Variants in TASP1 observed in about 807,000 individuals in gnomAD.
TASP1 encodes the protein taspase 1.
TASP1 carries 16 observed loss-of-function variants against 56.6 expected under a neutral mutation model. The observed-to-expected ratio is 0.28, with a 90% CI of 0.19 to 0.43. The LOEUF (loss-of-function observed/expected upper bound fraction) is 0.43. Among genes scored for constraint, TASP1 ranks in the 20% least tolerant of loss-of-function variants. The probability of loss-of-function intolerance (pLI) is 1.00; values close to 1 mark genes in which losing one functional copy is unlikely to be tolerated. For missense variants in TASP1, 393 were observed against 511.6 expected (o/e 0.77, Z 2.24); for synonymous variants, 179 against 184.2 (o/e 0.97, Z 0.23).
rs1218351171 is a variant in TASP1 at position 13,576,242 on chromosome 20, GGGAAGGGAAGATAAGAGAAGAGAAA to G, written c.488+4630_488+4654del. Among the ~76,000 whole-genome samples, 862 of 148,202 alleles carry G rather than the reference GGGAAGGGAAGATAAGAGAAGAGAAA, an allele frequency of 5.8e-3. 13 individuals carry two copies. The highest frequency in any genetic ancestry group is 0.01 in the Middle Eastern group (3 of 290). ...GGGGAGGGGAGGGGAGGGGAGCGGA[GGGAAGGGAAGATAAGAGAAGAGAAA>G]GGAAGGGAAGAGAAGAGAAAGGAAG... On this transcript the variant is annotated intron_variant, in intron 6 of 13. Coordinates refer to ENST00000337743, the MANE Select transcript of TASP1 (RefSeq NM_017714.3).
At chr20:13,320,786 C>CA in the TASP1 span, among the ~76,000 whole-genome samples, 4 of 151,790 alleles carry the variant, frequency 2.6e-5, no homozygotes, top group African/African-American at 9.7e-5. Context: ...TTTCAGCTAG[C>CA]AAAAAAAGAG....
the TASP1 span, among the ~76,000 whole-genome samples, chr20:13,365,242 T>C: frequency 6.6e-6 from 1 of 152,258 alleles, no homozygotes; most frequent in Non-Finnish European, 1.5e-5. Flanking sequence ...TTTATTCATT[T>C]GATAAATATT....
chr20:13,541,958 T>C (rs2146951048), intron 8 of TASP1, among the ~76,000 whole-genome samples: 1 of 151,730 alleles, frequency 6.6e-6, no homozygotes, highest in South Asian at 2.1e-4. Flanking sequence ...GGCAGGAGAA[T>C]TGCTTGAACC....
At chr20:13,396,048 A>G (rs1458140678) in intron 13 of TASP1, among the ~76,000 whole-genome samples, 2 of 152,124 alleles carry the variant, frequency 1.3e-5, no homozygotes, top group Non-Finnish European at 2.9e-5. Flanking sequence ...TTAAATGACT[A>G]AGTCCAGAGA....
At chr20:13,300,393 T>C in the TASP1 span, 1 of 150,834 alleles carries the variant, frequency 6.6e-6, no homozygotes, top group African/African-American at 2.4e-5. Context: ...TACCAATATA[T>C]CCCCAATAAA....
At chr20:13,333,781 C>G in the TASP1 span, among the ~76,000 whole-genome samples, 4 of 152,258 alleles carry the variant, frequency 2.6e-5, no homozygotes, top group Non-Finnish European at 4.4e-5. Context: ...ATTTTTGAAT[C>G]TTTTAAAATG....
the TASP1 span, among the ~76,000 whole-genome samples, chr20:13,144,764 T>A: frequency 2.3e-4 from 35 of 152,126 alleles, no homozygotes; most frequent in Non-Finnish European, 2.2e-4. Flanking sequence ...TGTGTGTGTG[T>A]GTGTATATAT....
chr20:13,533,005 G>A (rs2045281099), intron 9 of TASP1, among the ~76,000 whole-genome samples: 1 of 152,136 alleles, frequency 6.6e-6, no homozygotes, highest in Non-Finnish European at 1.5e-5. Context: ...CACAAAACTA[G>A]TTATTCTTCC....
At chr20:13,601,758 G>A (rs1056775024) in intron 4 of TASP1, among the ~76,000 whole-genome samples, 1 of 150,706 alleles carries the variant, frequency 6.6e-6, no homozygotes, top group African/African-American at 2.4e-5. Flanking sequence ...TGTGATACAA[G>A]TCAACATCAA....
At chr20:13,422,065 C>T (rs1216811982) in intron 12 of TASP1, among the ~76,000 whole-genome samples, 2 of 150,894 alleles carry the variant, frequency 1.3e-5, no homozygotes, top group African/African-American at 4.9e-5. Context: ...CATTCTCCTG[C>T]CTCAGCCTCC....
the TASP1 span, among the ~76,000 whole-genome samples, chr20:13,361,128 A>G: frequency 6.6e-6 from 1 of 152,026 alleles, no homozygotes. Context: ...TCCCTTCCCT[A>G]CACATCAAGC....
chr20:13,396,983 C>T (rs1005482821), intron 13 of TASP1, among the ~76,000 whole-genome samples: 9 of 152,212 alleles, frequency 5.9e-5, no homozygotes, highest in South Asian at 2.1e-4. Flanking sequence ...CACTTTGGTT[C>T]TTACTATCAC....
At chr20:13,140,413 AC>A in the TASP1 span, among the ~76,000 whole-genome samples, 1 of 152,186 alleles carries the variant, frequency 6.6e-6, no homozygotes, top group Non-Finnish European at 1.5e-5. Context: ...TCACATTGGC[AC>A]CCAGCCCTTG....
chr20:13,539,684 A>G (rs1439879785), intron 8 of TASP1, among the ~76,000 whole-genome samples: 1 of 152,246 alleles, frequency 6.6e-6, no homozygotes, highest in East Asian at 1.9e-4. Flanking sequence ...GGGATTTAAC[A>G]TATCTGGGTT....
Position 13,587,421 on chromosome 20 carries a change from T to A in TASP1, c.283-51A>T, listed in dbSNP as rs772876557. On this transcript the variant is annotated intron_variant, in intron 4 of 13. Transcript: ENST00000337743. ...ATATCATTAGTCTTAAAAAAAGTAT[T>A]AATGTCAGTCCTTCATGAAATTTTC... 9 of 1,474,860 alleles carry A rather than the reference T, an allele frequency of 6.1e-6. No individual in the cohort carries two copies. The South Asian group carries it at 1.1e-4, about 19-fold the overall frequency. 91.4% of individuals were successfully genotyped at this position (1,474,860 alleles called of 1,614,324 possible). A position where few individuals can be genotyped will look rare whatever the true frequency, so the allele number is the denominator to read the frequency against.
the TASP1 span, among the ~76,000 whole-genome samples, chr20:13,209,437 A>G: frequency 0.023 from 3,504 of 152,336 alleles, 76 homozygotes; most frequent in Non-Finnish European, 0.034. Context: ...TGATTATATC[A>G]TAATTGAATT....
the TASP1 span, among the ~76,000 whole-genome samples, chr20:13,177,205 C>T: frequency 1.3e-5 from 2 of 151,962 alleles, no homozygotes; most frequent in Non-Finnish European, 2.9e-5. Flanking sequence ...CATGCCACTG[C>T]ACTCCAGCCT....
the TASP1 span, among the ~76,000 whole-genome samples, chr20:13,227,988 G>A: frequency 7.9e-6 from 1 of 126,770 alleles, no homozygotes; most frequent in African/African-American, 3.0e-5. Context: ...TTTTTGAGAT[G>A]GAGTCTAGCT....
intron 10 of TASP1, among the ~76,000 whole-genome samples, chr20:13,526,318 C>A (rs968385488): frequency 3.3e-5 from 5 of 152,044 alleles, no homozygotes; most frequent in African/African-American, 4.8e-5. Flanking sequence ...AACATATTGA[C>A]CACAAAGAAA....
Sources: gnomAD v4.1 joint callset for allele counts (sites outside exome capture counted in the v4.1 genomes callset) on GRCh38, gnomAD v4.1.1 for gene constraint, MANE v1.5 for transcripts, NCBI Gene and HGNC (gene_info 2026-07-23, HGNC 2026-07-21) for gene names.